LRP1B: variants seen among roughly 807,000 people sequenced by gnomAD.
LRP1B encodes the protein low-density lipoprotein receptor-related protein 1B.
A neutral mutation model predicts 556.6 loss-of-function variants in LRP1B; 217 were observed. That is an observed-to-expected ratio of 0.39 (90% CI 0.35 to 0.44). LRP1B has a LOEUF of 0.44. Among genes scored for constraint, LRP1B ranks in the 20% least tolerant of loss-of-function variants. LRP1B has a pLI of 1.00. For missense variants in LRP1B, 5,053 were observed against 5,620.8 expected, an observed-to-expected ratio of 0.90 and a Z score of 3.23; for synonymous variants, 2,047 against 1,865.8, an observed-to-expected ratio of 1.10 and a Z score of -2.50.
chr2:140,360,097 G>A (rs781700575), intron 72 of LRP1B, among the ~76,000 whole-genome samples: 20 of 151,696 alleles, frequency 1.3e-4, no homozygotes, highest in African/African-American at 4.3e-4. Context: ...AAAAAGCCAT[G>A]AGAAAAATCA....
chr2:142,050,179 C>G (rs1704405728), intron 1 of LRP1B, among the ~76,000 whole-genome samples: 1 of 152,076 alleles, frequency 6.6e-6, no homozygotes, highest in Non-Finnish European at 1.5e-5. Context: ...TATACACACA[C>G]AGAGAGAAAT....
At chr2:141,414,323 TAA>T (rs1163655279) in intron 3 of LRP1B, among the ~76,000 whole-genome samples, 1 of 101,170 alleles carries the variant, frequency 9.9e-6, no homozygotes, top group African/African-American at 3.8e-5. Flanking sequence ...AAGAAAGAGA[TAA>T]AGAGAGAAAG....
intron 2 of LRP1B, among the ~76,000 whole-genome samples, chr2:141,570,702 G>T (rs1686494849): frequency 6.6e-6 from 1 of 151,350 alleles, no homozygotes; most frequent in Non-Finnish European, 1.5e-5. Flanking sequence ...TTCAGGCTGT[G>T]CTTTTCCCCC....
chr2:141,954,814 T>A (rs1186306512), intron 1 of LRP1B, among the ~76,000 whole-genome samples: 6 of 152,062 alleles, frequency 3.9e-5, no homozygotes, highest in Admixed American at 1.3e-4. Flanking sequence ...TACATATGAG[T>A]TATCTTTTCT....
At chr2:141,435,466 T>C (rs1680728633) in intron 3 of LRP1B, among the ~76,000 whole-genome samples, 1 of 152,188 alleles carries the variant, frequency 6.6e-6, no homozygotes, top group Non-Finnish European at 1.5e-5. Flanking sequence ...CCATTGTTCT[T>C]GACAAAGTCC....
chr2:140,420,582 A>G (rs1258700138), intron 66 of LRP1B, among the ~76,000 whole-genome samples: 1 of 152,260 alleles, frequency 6.6e-6, no homozygotes, highest in South Asian at 2.1e-4. Flanking sequence ...TTGATTTGCA[A>G]TATTCTACAA....
chr2:142,043,767 A>T (rs1704144883), intron 1 of LRP1B, among the ~76,000 whole-genome samples: 1 of 151,662 alleles, frequency 6.6e-6, no homozygotes, highest in Non-Finnish European at 1.5e-5. Flanking sequence ...CATTCTTTCA[A>T]ATTCTCAACA....
intron 18 of LRP1B, among the ~76,000 whole-genome samples, chr2:140,971,431 T>C (rs981586704): frequency 1.3e-5 from 2 of 152,206 alleles, no homozygotes; most frequent in Admixed American, 6.5e-5. Flanking sequence ...CAAGAATAAA[T>C]TTCTGTTGTT....
At chr2:140,915,834 C>A (rs1694559195) in intron 21 of LRP1B, among the ~76,000 whole-genome samples, 1 of 152,016 alleles carries the variant, frequency 6.6e-6, no homozygotes, top group African/African-American at 2.4e-5. Flanking sequence ...CGAGACCATC[C>A]TGGGGAACAT....
rs558421838 is a variant in LRP1B, at chr2:141,341,327, A to AT, written c.344-86687dup. 2.5e-3 allele frequency among the ~76,000 whole-genome samples: 373 copies of AT among 152,072 alleles called. 2 individuals are homozygous for AT. Among genetic ancestry groups the AT allele is most frequent in the East Asian group, 0.019 (100 of 5,170 alleles). On this transcript the variant is annotated intron_variant, in intron 3 of 90. Coordinates refer to ENST00000389484, the MANE Select transcript of LRP1B (RefSeq NM_018557.3). The stretch of plus-strand genomic sequence containing the variant: ...GTTATCTCTAATAATTCCTACAGGG[A>AT]TTTTTTTTATCTTGAACTGTTTAAA...
At chr2:140,468,486 A>T (rs895785093) in intron 60 of LRP1B, among the ~76,000 whole-genome samples, 4 of 152,150 alleles carry the variant, frequency 2.6e-5, no homozygotes, top group African/African-American at 9.7e-5. Context: ...GGCAATGCCA[A>T]GCAGAGCTGT....
At chr2:142,089,545 A>G (rs547769674) in intron 1 of LRP1B, among the ~76,000 whole-genome samples, 1 of 152,348 alleles carries the variant, frequency 6.6e-6, no homozygotes, top group South Asian at 2.1e-4. Context: ...CAGGTCTTAC[A>G]TTTAAAACAC....
At chr2:141,639,349 T>TATATACACAC (rs1262198983) in intron 2 of LRP1B, among the ~76,000 whole-genome samples, 35 of 56,084 alleles carry the variant, frequency 6.2e-4, no homozygotes, top group East Asian at 8.5e-4. Context: ...TATATATATA[T>TATATACACAC]ACACACACAC....
chr2:140,341,336 A>T (rs1348309006), intron 77 of LRP1B, among the ~76,000 whole-genome samples: 2 of 151,470 alleles, frequency 1.3e-5, no homozygotes, highest in Non-Finnish European at 3.0e-5. Flanking sequence ...TCTAAACAGA[A>T]CCTAGAAAAA....
intron 33 of LRP1B, among the ~76,000 whole-genome samples, chr2:140,774,653 T>G (rs186861694): frequency 5.3e-5 from 8 of 152,194 alleles, no homozygotes; most frequent in Admixed American, 2.0e-4. Context: ...TTTACAATAG[T>G]ACTGTGAGTT....
chr2:141,612,419 T>A (rs1158798359), intron 2 of LRP1B, among the ~76,000 whole-genome samples: 2 of 152,180 alleles, frequency 1.3e-5, no homozygotes, highest in Non-Finnish European at 2.9e-5. Context: ...TTTCTTTCTA[T>A]CTTTTAAAAA....
intron 7 of LRP1B, among the ~76,000 whole-genome samples, chr2:141,073,120 T>A (rs1463898624): frequency 6.6e-6 from 1 of 152,146 alleles, no homozygotes; most frequent in Non-Finnish European, 1.5e-5. Context: ...ATAGTCCTTT[T>A]TCTCCATGCT....
chr2:141,973,934 G>C (rs1701814613), intron 1 of LRP1B, among the ~76,000 whole-genome samples: 1 of 151,696 alleles, frequency 6.6e-6, no homozygotes, highest in African/African-American at 2.4e-5. Context: ...CTCTCTAAAG[G>C]CAAATGGATA....
chr2:140,912,800 T>A (rs959158383), intron 21 of LRP1B, among the ~76,000 whole-genome samples: 1 of 151,844 alleles, frequency 6.6e-6, no homozygotes, highest in East Asian at 1.9e-4. Flanking sequence ...TCAACAGGTA[T>A]AGAAAAACTT....
Sources: allele counts gnomAD v4.1 joint callset (sites outside exome capture counted in the v4.1 genomes callset), GRCh38; gene constraint gnomAD v4.1.1; transcripts MANE v1.5; gene names NCBI Gene and HGNC (gene_info 2026-07-23, HGNC 2026-07-21).